Variants in SLA observed in about 807,000 individuals in gnomAD.
SLA encodes the protein src-like-adapter.
SLA carries 16 observed loss-of-function variants against 30.3 expected under a neutral mutation model. The observed-to-expected ratio is 0.53, with a 90% CI of 0.36 to 0.80. SLA has a LOEUF of 0.80. SLA is among the 30% of genes least tolerant of loss of function. SLA has a pLI of 0.01. For missense variants in SLA, 310 were observed against 345.2 expected, an observed-to-expected ratio of 0.90 and a Z score of 0.81; for synonymous variants, 143 against 137.8, an observed-to-expected ratio of 1.04 and a Z score of -0.26.
chr8:133,050,894 G>A lies in SLA; in HGVS notation c.83C>T (p.Ala28Val), dbSNP rs1482063424. ...AGGAGACGGGTAGTCACTTAGCACG[G>A]CAAGGAAGTCGCTATCCAGTCCTGG... ...NPEGLDSDFL[A>V]VLSDYPSPDI... Residue 28 changes from alanine to valine, a missense_variant, in exon 4 of 9, where the codon GCC (alanine) becomes GTC (valine). Coordinates refer to ENST00000338087, the MANE Select transcript of SLA (RefSeq NM_001045556.3). The A allele has an allele frequency of 1.2e-6, 2 of 1,613,126 alleles. No homozygotes were observed. The highest frequency in any genetic ancestry group is 1.7e-6 in the Non-Finnish European group (2 of 1,179,106).
rs1291594168 is a variant in SLA at position 133,094,609 on chromosome 8, G to A, written c.-319+7944C>T. 5 of 270,476 alleles carry A rather than the reference G, an allele frequency of 1.8e-5. No individual in the cohort carries two copies. The East Asian group carries it at 4.3e-4, about 24-fold the overall frequency. 16.8% of individuals were successfully genotyped at this position (270,476 alleles called of 1,614,324 possible). Reference sequence around the variant, plus strand: ...CTCCTAGGTGGGCTTCCATTTTAAAGTCCAGCTCCATCTTAATGCAGCTTG... The same window carrying A: ...CTCCTAGGTGGGCTTCCATTTTAAAATCCAGCTCCATCTTAATGCAGCTTG... On this transcript the variant is annotated intron_variant, in intron 1 of 8. Transcript: ENST00000338087.
chr8:133,056,351 C>T (rs1214588125), intron 3 of SLA, among the ~76,000 whole-genome samples: 1 of 152,206 alleles, frequency 6.6e-6, no homozygotes, highest in Non-Finnish European at 1.5e-5. Flanking sequence ...AAAAAGGGAT[C>T]TGGTCCAAGA....
At chr8:133,074,523 C>T (rs1463177497) in intron 2 of SLA, among the ~76,000 whole-genome samples, 2 of 152,210 alleles carry the variant, frequency 1.3e-5, no homozygotes, top group South Asian at 2.1e-4. Context: ...CCCTCAAGGT[C>T]GCACAGCTAG....
Position 133,072,191 on chromosome 8 carries a change from G to A in SLA, c.-41+2662C>T, listed in dbSNP as rs1034254792. Among the ~76,000 whole-genome samples the A allele has an allele frequency of 2.0e-5, 3 of 152,206 alleles. No individual in the cohort carries two copies. In the East Asian group the frequency reaches 5.8e-4, roughly 29 times the overall value. ...AGTCTGCCTGGTGCTAAGGAGCGAA[G>A]TGTGACTTTGCAAAGCTGTTTGACA... On this transcript the variant is annotated intron_variant, in intron 2 of 8. Coordinates refer to ENST00000338087, the MANE Select transcript of SLA (RefSeq NM_001045556.3).
Position 133,057,008 on chromosome 8 carries a change from G to A in SLA, c.61+3092C>T, listed in dbSNP as rs1048997847. On this transcript the variant is annotated intron_variant, in intron 3 of 8. Coordinates refer to ENST00000338087, the MANE Select transcript of SLA (RefSeq NM_001045556.3). ...TACTTCCCAGGGGATTCTGATGCAG[G>A]TGGTGCGAAGACCACTTACTGAGAA... Among the ~76,000 whole-genome samples the A allele has an allele frequency of 2.0e-5, 3 of 152,298 alleles. No homozygotes were observed. In the South Asian group the frequency reaches 6.2e-4, roughly 32 times the overall value.
At chr8:133,040,213 T>C in intron 7 of SLA, 83 bp from the exon 8 acceptor site, 7 of 1,434,988 alleles carry the variant, frequency 4.9e-6, no homozygotes, top group Non-Finnish European at 6.6e-6. Flanking sequence ...CACTCTCCAG[T>C]GCAGCTCCCT....
chr8:133,095,089 G>T (rs780079218), intron 1 of SLA: 2 of 1,614,146 alleles, frequency 1.2e-6, no homozygotes, highest in Non-Finnish European at 1.7e-6. Context: ...CCATGAGAGG[G>T]CTCAGCAGCA....
At chr8:133,084,729 C>T (rs532569246) in intron 1 of SLA, among the ~76,000 whole-genome samples, 4 of 152,308 alleles carry the variant, frequency 2.6e-5, no homozygotes, top group East Asian at 3.9e-4. Flanking sequence ...CAGAAGTGCC[C>T]GGGAGAGACC....
intron 3 of SLA, among the ~76,000 whole-genome samples, chr8:133,054,560 G>A (rs930238571): frequency 6.6e-6 from 1 of 152,200 alleles, no homozygotes; most frequent in African/African-American, 2.4e-5. Flanking sequence ...GTAAGTGGAA[G>A]CTAATATTAT....
chr8:133,098,992 C>G (rs1307984571), intron 1 of SLA, among the ~76,000 whole-genome samples: 2 of 152,234 alleles, frequency 1.3e-5, no homozygotes, highest in African/African-American at 4.8e-5. Context: ...GGGATCTCTA[C>G]TCAAGGATGC....
At chr8:133,081,631 G>A (rs1217869859) in intron 1 of SLA, among the ~76,000 whole-genome samples, 2 of 152,182 alleles carry the variant, frequency 1.3e-5, no homozygotes, top group African/African-American at 4.8e-5. Context: ...ACTGTCTGCT[G>A]CGAAGAGCTG....
chr8:133,073,178 T>C (rs1257847058), intron 2 of SLA: 1 of 152,212 alleles, frequency 6.6e-6, no homozygotes, highest in Admixed American at 6.5e-5. Context: ...CGACCCAGAA[T>C]GTTGACACAG....
rs761995367 is a variant in SLA, at chr8:133,045,030, C to T, written c.438G>A (p.Pro146=). 3.8e-5 allele frequency: 62 copies of T among 1,614,148 alleles called. No individual in the cohort carries two copies. The highest frequency in any genetic ancestry group is 3.0e-4 in the Admixed American group (18 of 60,028). ...CCTCCAGGCACTGGAAGGTGAGCCT[C>T]GGGGAAATGTAGTACCAGTTGTTGG... ...RLPNNWYYIS[P]RLTFQCLEDL... The change falls in exon 7 of 9, where the codon CCG becomes CCA. Residue 146 remains proline (P), a synonymous_variant. Coordinates refer to ENST00000338087, the MANE Select transcript of SLA (RefSeq NM_001045556.3).
At chr8:133,070,839 A>G (rs1204861631) in intron 2 of SLA, among the ~76,000 whole-genome samples, 1 of 152,240 alleles carries the variant, frequency 6.6e-6, no homozygotes, top group Non-Finnish European at 1.5e-5. Flanking sequence ...GACCGTGGTG[A>G]AGTTGTCCCT....
intron 1 of SLA, among the ~76,000 whole-genome samples, chr8:133,082,788 C>T (rs1410316656): frequency 3.9e-5 from 6 of 152,184 alleles, no homozygotes; most frequent in African/African-American, 1.2e-4. Flanking sequence ...CTAATGTTCT[C>T]ATTCTATGAT....
chr8:133,086,905 C>T (rs532851025), intron 1 of SLA, among the ~76,000 whole-genome samples: 1 of 152,282 alleles, frequency 6.6e-6, no homozygotes, highest in Admixed American at 6.5e-5. Flanking sequence ...CTGTCTATAA[C>T]ATTCTCCCTA....
In SLA at chr8:133,058,507, C is replaced by G. The variant is rs377483114; in HGVS notation, c.61+1593G>C. Among the ~76,000 whole-genome samples the G allele has an allele frequency of 4.6e-5, 7 of 152,204 alleles. No individual in the cohort carries two copies. The East Asian group carries it at 5.8e-4, about 13-fold the overall frequency. On this transcript the variant is annotated intron_variant, in intron 3 of 8. Transcript: ENST00000338087. ...TGAGGTTCGCTCAAGCATGCTGCCC[C>G]CTCTGCCCCAGGCTGAGAGGTGACG...
At chr8:133,040,340 G>A in intron 7 of SLA, 9 of 567,782 alleles carry the variant, frequency 1.6e-5, no homozygotes, top group Admixed American at 3.1e-5. Flanking sequence ...GGTATACTCT[G>A]CACTTAGCCA....
At chr8:133,086,791 A>G (rs1351991793) in intron 1 of SLA, among the ~76,000 whole-genome samples, 1 of 152,166 alleles carries the variant, frequency 6.6e-6, no homozygotes, top group South Asian at 2.1e-4. Context: ...CAATATTGTT[A>G]TGTTCCTTAC....
Sources: gnomAD v4.1 joint callset for allele counts (sites outside exome capture counted in the v4.1 genomes callset) on GRCh38, gnomAD v4.1.1 for gene constraint, MANE v1.5 for transcripts, NCBI Gene and HGNC (gene_info 2026-07-23, HGNC 2026-07-21) for gene names.